Variants in RIPOR2 observed in about 807,000 individuals in gnomAD.
The protein encoded by RIPOR2 is rho family-interacting cell polarization regulator 2.
RIPOR2 carries 39 observed loss-of-function variants against 114.5 expected under a neutral mutation model. The ratio of observed to expected loss-of-function variants is 0.34; its 90% CI spans 0.26 to 0.44. The LOEUF (loss-of-function observed/expected upper bound fraction) is 0.44. Ranked by LOEUF, RIPOR2 falls within the 20% of genes least tolerant of loss-of-function variation. The probability of loss-of-function intolerance (pLI) is 1.00; values close to 1 mark genes in which losing one functional copy is unlikely to be tolerated. For synonymous variants in RIPOR2, 445 were observed against 484.4 expected (o/e 0.92, Z 1.07); for missense variants, 1,007 against 1,255.1 (o/e 0.80, Z 2.99).
At chr6:25,020,653 C>T (rs1776275192) in intron 1 of RIPOR2, among the ~76,000 whole-genome samples, 1 of 152,162 alleles carries the variant, frequency 6.6e-6, no homozygotes, top group Admixed American at 6.5e-5. Flanking sequence ...AACCTCTAGT[C>T]CAAACCATTT....
chr6:24,910,987 G>A (rs1162822807), intron 1 of RIPOR2: 3 of 984,938 alleles, frequency 3.0e-6, no homozygotes, highest in Non-Finnish European at 3.6e-6. Flanking sequence ...GGGTGGACGC[G>A]AGCTGTCCCC....
intron 19 of RIPOR2, among the ~76,000 whole-genome samples, chr6:24,820,873 T>A (rs1013433167): frequency 3.0e-5 from 2 of 67,460 alleles, no homozygotes; most frequent in Non-Finnish European, 6.5e-5. Context: ...AACACTCTTT[T>A]TTTTTTTTTT....
chr6:24,850,690 T>C lies in RIPOR2; in HGVS notation c.792A>G (p.Lys264=). The part of the protein sequence containing the change: ...IFMKYGRQRW[K]LKGKIEVNGK... ...CATTTACTTCTATTTTGCCTTTCAG[T>C]TTCCACCGCTGCCGGCCATACTTCA... The change falls in exon 10 of 22, where the codon AAA becomes AAG. Residue 264 remains lysine, a synonymous_variant. Coordinates refer to ENST00000643898, the MANE Select transcript of RIPOR2 (RefSeq NM_001286445.3). The C allele has an allele frequency of 6.2e-7, 1 of 1,613,860 alleles. No individual in the cohort carries two copies. Among genetic ancestry groups the C allele is most frequent in the South Asian group, 1.1e-5 (1 of 91,078 alleles).
intron 1 of RIPOR2, among the ~76,000 whole-genome samples, chr6:25,018,383 T>C (rs1776121751): frequency 6.6e-6 from 1 of 152,236 alleles, no homozygotes; most frequent in Admixed American, 6.5e-5. Flanking sequence ...AAAAAAGAGT[T>C]TGTATATGAT....
intron 1 of RIPOR2, among the ~76,000 whole-genome samples, chr6:24,993,397 G>A (rs537398366): frequency 6.6e-6 from 1 of 152,188 alleles, no homozygotes; most frequent in African/African-American, 2.4e-5. Flanking sequence ...AATTAGGGTT[G>A]CAATCCATGC....
At chr6:24,939,637 A>G (rs1037230368), upstream of RIPOR2, among the ~76,000 whole-genome samples, 1 of 152,220 alleles carries the variant, frequency 6.6e-6, no homozygotes, top group Admixed American at 6.5e-5. Context: ...AAGACTAAAG[A>G]TAGGGAAATT....
intron 1 of RIPOR2, among the ~76,000 whole-genome samples, chr6:24,892,420 C>T (rs1767454264): frequency 6.6e-6 from 1 of 152,196 alleles, no homozygotes; most frequent in Admixed American, 6.5e-5. Flanking sequence ...TCCGTATGCT[C>T]ACACCCAGGA....
chr6:24,828,352 ATT>A, intron 17 of RIPOR2, 57 bp from the exon 18 acceptor site: 1 of 1,284,456 alleles, frequency 7.8e-7, no homozygotes, highest in Non-Finnish European at 1.0e-6. Context: ...TCATTCATTC[ATT>A]CATTCAATAA....
chr6:24,967,909 C>CCTTTTTTTTTT lies in RIPOR2; in HGVS notation c.76+73941_76+73942insAAAAAAAAAAG, dbSNP rs1561814337. On this transcript the variant is annotated intron_variant, in intron 1 of 13. Transcript: ENST00000510784. ...CCTGTCTTGGCTGCAAGATCTCAAT[C>CCTTTTTTTTTT]TTTTTTTTTTTTTTTTTTTTTTAGA... Among the ~76,000 whole-genome samples the CCTTTTTTTTTT allele has an allele frequency of 1.6e-5, 2 of 123,518 alleles. 1 individual carries two copies. 81.0% of individuals were successfully genotyped at this position (123,518 alleles called of 152,430 possible).
intron 1 of RIPOR2, among the ~76,000 whole-genome samples, chr6:24,927,824 T>G (rs1304085078): frequency 6.6e-6 from 1 of 152,248 alleles, no homozygotes; most frequent in Non-Finnish European, 1.5e-5. Context: ...TTTTATGAGT[T>G]CAAATATTTT....
chr6:24,998,365 A>G (rs1561834960), intron 1 of RIPOR2, among the ~76,000 whole-genome samples: 1 of 152,228 alleles, frequency 6.6e-6, no homozygotes, highest in African/African-American at 2.4e-5. Flanking sequence ...AAATCAGTAC[A>G]TATTTACAAA....
At chr6:24,947,679 C>G (rs1255520982) in intron 1 of RIPOR2, among the ~76,000 whole-genome samples, 1 of 150,318 alleles carries the variant, frequency 6.7e-6, no homozygotes, top group Admixed American at 6.6e-5. Context: ...GGGGCTCTAC[C>G]TTTTCTTCTC....
intron 1 of RIPOR2, among the ~76,000 whole-genome samples, chr6:24,956,009 C>CAAAAA (rs10587846): frequency 7.7e-6 from 1 of 130,500 alleles, no homozygotes. Context: ...GACTCTGTCT[C>CAAAAA]AAAAAAAAAA....
chr6:24,954,456 C>CTTTA (rs1772936492), intron 1 of RIPOR2, among the ~76,000 whole-genome samples: 1 of 132,390 alleles, frequency 7.6e-6, no homozygotes, highest in African/African-American at 2.8e-5. Flanking sequence ...TCTCTCTCTC[C>CTTTA]TTTTTTTTTT....
intron 1 of RIPOR2, among the ~76,000 whole-genome samples, chr6:24,917,959 C>T (rs1770205562): frequency 6.6e-6 from 1 of 152,178 alleles, no homozygotes; most frequent in African/African-American, 2.4e-5. Context: ...TTTATTTATT[C>T]TGTGTCCCTG....
intron 1 of RIPOR2, among the ~76,000 whole-genome samples, chr6:25,008,896 G>C (rs1480481853): frequency 3.3e-5 from 5 of 152,254 alleles, no homozygotes; most frequent in African/African-American, 1.2e-4. Flanking sequence ...TGGCAGTTCA[G>C]CAGGTGCTAC....
At chr6:24,817,978 C>CTCTTTTTTTTTTTT (rs140745822) in intron 20 of RIPOR2, among the ~76,000 whole-genome samples, 9 of 118,366 alleles carry the variant, frequency 7.6e-5, no homozygotes, top group African/African-American at 9.2e-5. Flanking sequence ...CTCTCTCTCT[C>CTCTTTTTTTTTTTT]TTTTTTTTTG....
At chr6:24,869,230 T>C in intron 5 of RIPOR2, 83 bp from the exon 6 acceptor site, 1 of 643,660 alleles carries the variant, frequency 1.6e-6, no homozygotes, top group Non-Finnish European at 2.7e-6. Flanking sequence ...GATTATATCA[T>C]ACTCAAAAGT....
chr6:24,970,778 A>T (rs1773751020), intron 1 of RIPOR2, among the ~76,000 whole-genome samples: 1 of 152,184 alleles, frequency 6.6e-6, no homozygotes, highest in Non-Finnish European at 1.5e-5. Flanking sequence ...TTAAAAAGTG[A>T]GATTTCCATG....
Sources: allele counts gnomAD v4.1 joint callset (sites outside exome capture counted in the v4.1 genomes callset), GRCh38; gene constraint gnomAD v4.1.1; transcripts MANE v1.5; gene names NCBI Gene and HGNC (gene_info 2026-07-23, HGNC 2026-07-21).